Variants in KCNMA1 observed in about 807,000 individuals in gnomAD.
KCNMA1 encodes potassium calcium-activated channel subfamily M alpha 1, also known as Calcium-activated potassium channel subunit alpha-1.
A neutral mutation model predicts 140.0 loss-of-function variants in KCNMA1; 29 were observed. That is an observed-to-expected ratio of 0.21 (90% CI 0.15 to 0.28). KCNMA1 has a LOEUF of 0.28. Among genes scored for constraint, KCNMA1 ranks in the 10% least tolerant of loss-of-function variants. The pLI, the probability that KCNMA1 is intolerant of heterozygous loss-of-function variation, is 1.00. For missense variants in KCNMA1, 880 were observed against 1,602.2 expected (o/e 0.55, Z 7.70); for synonymous variants, 612 against 611.9 (o/e 1.00, Z 0.00).
chr10:77,520,019 GGGGTATGCA>G (rs1186496399), intron 1 of KCNMA1, among the ~76,000 whole-genome samples: 1 of 73,222 alleles, frequency 1.4e-5, no homozygotes. Flanking sequence ...TGTGAGGGCT[GGGGTATGCA>G]GTGTGAGGGT....
intron 2 of KCNMA1, among the ~76,000 whole-genome samples, chr10:77,325,262 G>T (rs886335677): frequency 1.3e-5 from 2 of 152,138 alleles, no homozygotes; most frequent in East Asian, 3.8e-4. Flanking sequence ...CTCCTTCCCT[G>T]CCACAGTGAG....
intron 5 of KCNMA1, among the ~76,000 whole-genome samples, chr10:77,175,521 C>T (rs968521510): frequency 2.0e-5 from 3 of 152,148 alleles, no homozygotes; most frequent in Non-Finnish European, 2.9e-5. Flanking sequence ...AACAAGGGGG[C>T]CACAGTCCCT....
chr10:77,035,433 G>A (rs1245924972), intron 15 of KCNMA1, among the ~76,000 whole-genome samples: 2 of 152,184 alleles, frequency 1.3e-5, no homozygotes, highest in East Asian at 1.9e-4. Context: ...AGATCTCTCT[G>A]ACGATGGGTA....
intron 2 of KCNMA1, among the ~76,000 whole-genome samples, chr10:77,310,527 T>C (rs1448043455): frequency 1.3e-5 from 2 of 152,242 alleles, no homozygotes; most frequent in African/African-American, 2.4e-5. Context: ...AGCAGTTATG[T>C]GACTTGTTCA....
At chr10:77,615,300 C>T (rs926554271) in intron 1 of KCNMA1, among the ~76,000 whole-genome samples, 4 of 152,194 alleles carry the variant, frequency 2.6e-5, no homozygotes, top group Admixed American at 6.5e-5. Context: ...CCACCAGGTC[C>T]GTCCTGCTCT....
chr10:77,625,714 T>C (rs369731570), intron 1 of KCNMA1, among the ~76,000 whole-genome samples: 2 of 152,364 alleles, frequency 1.3e-5, no homozygotes, highest in East Asian at 3.9e-4. Flanking sequence ...TACTCTGTTG[T>C]ATGTACCTAC....
At chr10:77,260,380 A>G (rs2061700884) in intron 2 of KCNMA1, among the ~76,000 whole-genome samples, 1 of 152,180 alleles carries the variant, frequency 6.6e-6, no homozygotes. Flanking sequence ...CAAGAACAGA[A>G]GGGCAATGAA....
chr10:77,466,390 G>A (rs2098014102), intron 1 of KCNMA1, among the ~76,000 whole-genome samples: 1 of 152,174 alleles, frequency 6.6e-6, no homozygotes, highest in Non-Finnish European at 1.5e-5. Context: ...GTATCTCAGA[G>A]GATGGTTAGA....
At chr10:77,317,381 CT>C (rs2081163868) in intron 2 of KCNMA1, among the ~76,000 whole-genome samples, 1 of 152,132 alleles carries the variant, frequency 6.6e-6, no homozygotes, top group Non-Finnish European at 1.5e-5. Flanking sequence ...CATTGATATT[CT>C]TTTGTGGTTA....
At chr10:77,142,456 G>A (rs1360455820) in intron 5 of KCNMA1, among the ~76,000 whole-genome samples, 1 of 152,102 alleles carries the variant, frequency 6.6e-6, no homozygotes, top group Non-Finnish European at 1.5e-5. Context: ...ATGTGTATGT[G>A]TATGTTACAT....
intron 5 of KCNMA1, among the ~76,000 whole-genome samples, chr10:77,163,941 C>T (rs575611038): frequency 9.2e-5 from 14 of 152,314 alleles, no homozygotes; most frequent in Admixed American, 1.3e-4. Context: ...CTCAGGGCAT[C>T]ACTGTTGAAC....
rs145660886 is a variant in KCNMA1 at position 77,039,623 on chromosome 10, T to C, written c.1764A>G (p.Thr588=). The change falls in exon 15 of 28, where the codon ACA becomes ACG. Residue 588 remains threonine (T), a synonymous_variant. Coordinates refer to ENST00000286628, the MANE Select transcript of KCNMA1 (RefSeq NM_001161352.2). ...MRSFIKIEED[T]WQKYYLEGVS... is the part of the protein sequence containing the mutation. ...CTCCTTCCAAGTAGTATTTCTGCCA[T>C]GTGTCTTCCTCAATCTAAAGGAAAG... The C allele has an allele frequency of 6.1e-5, 98 of 1,603,506 alleles. No homozygotes were observed. The highest frequency in any genetic ancestry group is 7.9e-5 in the Non-Finnish European group (93 of 1,170,474).
At chr10:77,166,394 T>C (rs2098642585) in intron 5 of KCNMA1, among the ~76,000 whole-genome samples, 1 of 152,132 alleles carries the variant, frequency 6.6e-6, no homozygotes, top group African/African-American at 2.4e-5. Context: ...GGCTTTGTGG[T>C]GGATACTGGG....
At chr10:77,372,456 G>C (rs1035223843) in intron 2 of KCNMA1, among the ~76,000 whole-genome samples, 2 of 152,090 alleles carry the variant, frequency 1.3e-5, no homozygotes, top group Non-Finnish European at 2.9e-5. Context: ...ACAGATCTAC[G>C]GGTCTTGGAA....
At chr10:77,404,181 AT>A (rs1249263175) in intron 1 of KCNMA1, among the ~76,000 whole-genome samples, 158 bp from the exon 2 acceptor site, 4 of 152,208 alleles carry the variant, frequency 2.6e-5, no homozygotes, top group Non-Finnish European at 5.9e-5. Context: ...TATGCCTTTG[AT>A]TTTTTTAAAG....
rs554065195 is a variant in KCNMA1, at chr10:77,119,377, T to C, written c.884+1596A>G. 2.5e-4 allele frequency among the ~76,000 whole-genome samples: 38 copies of C among 152,308 alleles called. No individual in the cohort carries two copies. The South Asian group carries it at 7.7e-3, about 31-fold the overall frequency. The stretch of plus-strand genomic sequence containing the variant: ...AAATCCCCCTAACATATGATGTAAT[T>C]GTGAAACAGGGAGAGACAGACACTA... On this transcript the variant is annotated intron_variant, in intron 6 of 27. Coordinates refer to ENST00000286628, the MANE Select transcript of KCNMA1 (RefSeq NM_001161352.2).
At chr10:77,012,098 G>T in intron 17 of KCNMA1, 55 bp from the exon 18 acceptor site, 1 of 1,611,450 alleles carries the variant, frequency 6.2e-7, no homozygotes, top group Non-Finnish European at 8.5e-7. Flanking sequence ...CAAATGAAAT[G>T]AGTACCACAT....
At chr10:76,948,541 A>G (rs1591645601) in intron 22 of KCNMA1, among the ~76,000 whole-genome samples, 1 of 152,292 alleles carries the variant, frequency 6.6e-6, no homozygotes, top group South Asian at 2.1e-4. Flanking sequence ...GTTTTTTCAG[A>G]CTGAAGTCCT....
chr10:77,481,808 T>G (rs572882658), intron 1 of KCNMA1, among the ~76,000 whole-genome samples: 1 of 145,064 alleles, frequency 6.9e-6, no homozygotes, highest in Non-Finnish European at 1.5e-5. Flanking sequence ...AACTAACAGG[T>G]GCCAGGTACT....
Sources: gnomAD v4.1 joint callset for allele counts (sites outside exome capture counted in the v4.1 genomes callset) on GRCh38, gnomAD v4.1.1 for gene constraint, MANE v1.5 for transcripts, NCBI Gene and HGNC (gene_info 2026-07-23, HGNC 2026-07-21) for gene names.